The following CNTN3 variants were observed in gnomAD, a reference collection of about 807,000 sequenced individuals.
CNTN3 encodes the protein contactin 3.
A neutral mutation model predicts 119.1 loss-of-function variants in CNTN3; 60 were observed. That is an observed-to-expected ratio of 0.50 (90% CI 0.41 to 0.62). The LOEUF is 0.62. Among genes scored for constraint, CNTN3 ranks in the 20% least tolerant of loss-of-function variants. The pLI is 0.00. For missense variants in CNTN3, 1,101 were observed against 1,242.4 expected (o/e 0.89, Z 1.71); for synonymous variants, 450 against 438.7 (o/e 1.03, Z -0.32).
At chr3:74,411,456 T>C (rs1466323750) in intron 5 of CNTN3, among the ~76,000 whole-genome samples, 1 of 152,190 alleles carries the variant, frequency 6.6e-6, no homozygotes, top group African/African-American at 2.4e-5. Flanking sequence ...TTAGGAAATG[T>C]TGCATGCTGG....
chr3:74,469,382 C>T (rs536671646), intron 4 of CNTN3, among the ~76,000 whole-genome samples: 1 of 152,132 alleles, frequency 6.6e-6, no homozygotes, highest in South Asian at 2.1e-4. Flanking sequence ...ACAACTGACT[C>T]CAGAGATTTA....
chr3:74,318,846 A>G (rs1702906237), intron 13 of CNTN3, among the ~76,000 whole-genome samples: 1 of 152,160 alleles, frequency 6.6e-6, no homozygotes, highest in African/African-American at 2.4e-5. Context: ...TCAGATTTCC[A>G]GCTGCATGCT....
intron 5 of CNTN3, among the ~76,000 whole-genome samples, chr3:74,388,673 C>G (rs866710666): frequency 6.6e-6 from 1 of 152,152 alleles, no homozygotes; most frequent in Non-Finnish European, 1.5e-5. Flanking sequence ...ATATACCCTA[C>G]CCTTTTTTCT....
intron 1 of CNTN3, among the ~76,000 whole-genome samples, chr3:74,570,295 C>T (rs1449203618): frequency 6.6e-6 from 1 of 151,996 alleles, no homozygotes; most frequent in Non-Finnish European, 1.5e-5. Flanking sequence ...GCCTGAAATG[C>T]CATTTTCTGA....
rs113864352 is a variant in CNTN3, at chr3:74,558,656, C to T, written c.-80-37464G>A. ...AGTAAATTACTTGACATTTTATATC[C>T]TAATTTGTTCATCTGTAACATGGAA... On this transcript the variant is annotated intron_variant, in intron 1 of 22. Transcript: ENST00000263665. 3.2e-3 allele frequency among the ~76,000 whole-genome samples: 486 copies of T among 152,058 alleles called. 1 individual carries two copies. The highest frequency in any genetic ancestry group is 0.011 in the African/African-American group (453 of 41,464).
At chr3:74,374,151 A>G (rs1252476728) in intron 5 of CNTN3, among the ~76,000 whole-genome samples, 4 of 152,152 alleles carry the variant, frequency 2.6e-5, no homozygotes, top group Non-Finnish European at 5.9e-5. Context: ...CAGCTACAGC[A>G]TCCTCAGAAC....
chr3:74,456,007 G>A (rs1275815411), intron 4 of CNTN3, among the ~76,000 whole-genome samples: 1 of 152,020 alleles, frequency 6.6e-6, no homozygotes, highest in Non-Finnish European at 1.5e-5. Context: ...ACACATATGT[G>A]TAAAAAATTA....
intron 4 of CNTN3, among the ~76,000 whole-genome samples, chr3:74,462,831 C>T (rs1262028420): frequency 6.6e-6 from 1 of 152,218 alleles, no homozygotes; most frequent in East Asian, 1.9e-4. Context: ...TAAAGCCTGT[C>T]CTCACATTAT....
rs946118509 is a variant in CNTN3, at chr3:74,264,411, A to G, written c.3077T>C (p.Val1026Ala). ...AAAAAGGAGTTAATATCACCACAGG[A>G]CATATACAATTAAGAACAGTACTAT... The part of the protein sequence containing the change: ...MPIVLFLIVY[V>A]LW The change falls in exon 23 of 23, where the codon GTC becomes GCC. Residue 1026 changes from valine (V) to alanine (A), a missense_variant. Transcript: ENST00000263665. 1.1e-5 allele frequency: 17 copies of G among 1,581,128 alleles called. 1 individual carries two copies. Among genetic ancestry groups the G allele is most frequent in the South Asian group, 5.8e-5 (5 of 86,824 alleles).
intron 10 of CNTN3, 127 bp from the exon 11 acceptor site, chr3:74,362,167 G>T: frequency 2.1e-6 from 2 of 946,166 alleles, no homozygotes; most frequent in Non-Finnish European, 3.1e-6. Context: ...TGATTTACTT[G>T]GCTTATTGTG....
chr3:74,390,561 G>A (rs1214274496), intron 5 of CNTN3, among the ~76,000 whole-genome samples: 1 of 152,090 alleles, frequency 6.6e-6, no homozygotes, highest in African/African-American at 2.4e-5. Context: ...AGGTAGGCAT[G>A]GGAAGGGAAA....
intron 2 of CNTN3, among the ~76,000 whole-genome samples, chr3:74,508,372 T>C (rs1470402172): frequency 6.6e-6 from 1 of 152,158 alleles, no homozygotes; most frequent in Non-Finnish European, 1.5e-5. Flanking sequence ...CTGGCAGTTC[T>C]TAATAGCAGT....
intron 1 of CNTN3, among the ~76,000 whole-genome samples, chr3:74,567,254 A>G (rs1416894459): frequency 6.6e-6 from 1 of 150,642 alleles, no homozygotes. Flanking sequence ...GATCCTCCCA[A>G]CTGTGCCTCC....
intron 11 of CNTN3, among the ~76,000 whole-genome samples, chr3:74,356,946 A>G (rs1270183843): frequency 1.3e-5 from 2 of 152,070 alleles, no homozygotes; most frequent in Non-Finnish European, 2.9e-5. Context: ...TATTTTGAGT[A>G]GGAGTCTCGC....
chr3:74,332,971 A>T (rs150417418), intron 13 of CNTN3, among the ~76,000 whole-genome samples: 16 of 152,352 alleles, frequency 1.1e-4, no homozygotes, highest in African/African-American at 3.8e-4. Flanking sequence ...TGGAGTAGAG[A>T]GCTAGCTCAG....
intron 11 of CNTN3, among the ~76,000 whole-genome samples, chr3:74,356,347 C>T (rs765735853): frequency 2.6e-5 from 4 of 152,048 alleles, no homozygotes; most frequent in African/African-American, 7.3e-5. Flanking sequence ...TACCTTTGCA[C>T]GTGCTATTCT....
intron 1 of CNTN3, among the ~76,000 whole-genome samples, chr3:74,557,110 C>T (rs1704080999): frequency 6.6e-6 from 1 of 150,938 alleles, no homozygotes; most frequent in South Asian, 2.1e-4. Flanking sequence ...AACTGGTGTC[C>T]TCTGCAGCAT....
intron 11 of CNTN3, among the ~76,000 whole-genome samples, chr3:74,348,919 A>T (rs528692364): frequency 3.4e-4 from 50 of 146,984 alleles, no homozygotes; most frequent in South Asian, 2.8e-3. Context: ...CCATCTCTAT[A>T]AAAAAAAAAT....
intron 13 of CNTN3, among the ~76,000 whole-genome samples, chr3:74,329,518 T>C (rs1703210412): frequency 6.6e-6 from 1 of 152,178 alleles, no homozygotes; most frequent in South Asian, 2.1e-4. Flanking sequence ...CGTCCAAAAG[T>C]TTCTCTCTGT....
Sources: gnomAD v4.1 joint callset for allele counts (sites outside exome capture counted in the v4.1 genomes callset) on GRCh38, gnomAD v4.1.1 for gene constraint, MANE v1.5 for transcripts, NCBI Gene and HGNC (gene_info 2026-07-23, HGNC 2026-07-21) for gene names.